Variants in NDUFA11 observed in about 807,000 individuals in gnomAD.
NDUFA11 encodes NADH dehydrogenase [ubiquinone] 1 alpha subcomplex subunit 11.
A neutral mutation model predicts 11.3 loss-of-function variants in NDUFA11; 14 were observed. The observed-to-expected ratio is 1.24, with a 90% confidence interval of 0.82 to 1.94. The LOEUF (loss-of-function observed/expected upper bound fraction) is 1.94, where lower values mean the gene tolerates loss of function less well. Ranked by LOEUF, NDUFA11 falls within the 30% of genes most tolerant of loss-of-function variation. The pLI is 0.00. For synonymous variants in NDUFA11, 87 were observed against 85.6 expected, an observed-to-expected ratio of 1.02 and a Z score of -0.09; for missense variants, 204 against 200.3, an observed-to-expected ratio of 1.02 and a Z score of -0.11.
At chr19:5,902,924 T>A (rs1020997305) in intron 1 of NDUFA11, among the ~76,000 whole-genome samples, 5 of 151,028 alleles carry the variant, frequency 3.3e-5, no homozygotes, top group African/African-American at 1.2e-4. Context: ...GGCAAGGGAA[T>A]TGCTCGAACC....
chr19:5,892,733 G>A (rs564256398), downstream of NDUFA11: 61 of 793,348 alleles, frequency 7.7e-5, no homozygotes, highest in African/African-American at 9.2e-4. Flanking sequence ...CCTGCCGGCC[G>A]CAGTAGAGAC....
At chr19:5,898,828 T>C (rs2144955175) in intron 1 of NDUFA11, among the ~76,000 whole-genome samples, 1 of 149,320 alleles carries the variant, frequency 6.7e-6, no homozygotes, top group Non-Finnish European at 1.5e-5. Flanking sequence ...GAGCCAAGAT[T>C]GCGCCACTGC....
chr19:5,899,005 A>T (rs1361841645), intron 1 of NDUFA11, among the ~76,000 whole-genome samples: 2 of 151,360 alleles, frequency 1.3e-5, no homozygotes, highest in Non-Finnish European at 2.9e-5. Context: ...CCGTCCCCCC[A>T]GGACTCCCCA....
rs2057607943 is a variant in NDUFA11 at position 5,896,332 on chromosome 19, G to A, written c.313+121C>T. On this transcript the variant is annotated intron_variant, in intron 3 of 3. Coordinates refer to ENST00000308961, the MANE Select transcript of NDUFA11 (RefSeq NM_175614.5). This position sits in a 1 kb window ranked among gnomAD's most constrained non-coding sequence, Gnocchi z 5.8. ...TGTCGCTATGACTGAAATGGCTGGT[G>A]TTCAAGAAGGCTGCTTTACTTCTTG... is the stretch of plus-strand genomic sequence containing the variant. 1.7e-6 allele frequency: 2 copies of A among 1,194,390 alleles called. No individual in the cohort carries two copies. Among genetic ancestry groups the A allele is most frequent in the South Asian group, 1.5e-5 (1 of 67,966 alleles). The allele number at this position is 1,194,390 out of a possible 1,614,324, so 74.0% of individuals were successfully genotyped here.
chr19:5,899,213 T>G (rs1022729677), intron 1 of NDUFA11, among the ~76,000 whole-genome samples: 6 of 147,902 alleles, frequency 4.1e-5, no homozygotes, highest in South Asian at 2.2e-4. Context: ...GCAGTGGCGC[T>G]ATCTCGGCTC....
At chr19:5,895,987 T>C in intron 3 of NDUFA11, 1 of 242,442 alleles carries the variant, frequency 4.1e-6, no homozygotes. Context: ...CATCCTCCTC[T>C]CTGACTCACA....
At chr19:5,894,115 C>G (rs117646564), downstream of NDUFA11, among the ~76,000 whole-genome samples, 838 of 152,344 alleles carry the variant, frequency 5.5e-3, 4 homozygotes, top group Non-Finnish European at 9.6e-3. Flanking sequence ...TTTCCCTTGT[C>G]GCTGCCACCA....
rs576231769 is a variant in NDUFA11 at position 5,903,700 on chromosome 19, C to T, written c.9G>A (p.Pro3=). The change falls in exon 1 of 4, where the codon CCG becomes CCA. Residue 3 remains proline (P), a synonymous_variant. Transcript: ENST00000308961. ...TATCCCAGTACTGACGAAAAACCTT[C>T]GGCGCCATAGCCCGCAATCTCGATC... is the stretch of plus-strand genomic sequence containing the variant. MA[P]KVFRQYWDIP... The T allele has an allele frequency of 1.3e-6, 2 of 1,551,516 alleles. No homozygotes were observed. Among genetic ancestry groups the T allele is most frequent in the South Asian group, 1.2e-5 (1 of 84,070 alleles).
At position 5,894,731 on chromosome 19, in the gene NDUFA11, AGGCACAG is replaced by A. The variant is rs2057596756; in HGVS notation, c.*4_*10del. 1 of 1,611,788 alleles carries A rather than the reference AGGCACAG, an allele frequency of 6.2e-7. No individual in the cohort carries two copies. Among genetic ancestry groups the A allele is most frequent in the Non-Finnish European group, 8.5e-7 (1 of 1,179,086 alleles). On this transcript the variant is annotated 3_prime_UTR_variant, in exon 4 of 4. Coordinates refer to ENST00000308961, the MANE Select transcript of NDUFA11 (RefSeq NM_175614.5). ...CATTCTGCAGGCTGGAGGTCCCGGC[AGGCACAG>A]GGCTCACACCTTGGGTTTTGCAAAC...
downstream of NDUFA11, chr19:5,892,944 G>A (rs1388157529): frequency 2.0e-5 from 29 of 1,463,028 alleles, no homozygotes; most frequent in East Asian, 3.2e-4. Context: ...AACCCAGAGT[G>A]TTTAACAATG....
chr19:5,896,112 G>T lies in NDUFA11; in HGVS notation c.313+341C>A. 1.8e-6 allele frequency: 1 copy of T among 543,132 alleles called. No individual in the cohort carries two copies. The highest frequency in any genetic ancestry group is 1.9e-5 in the African/African-American group (1 of 53,348). 33.6% of individuals were successfully genotyped at this position (543,132 alleles called of 1,614,324 possible). ...GGGATGCTGGCTTGTACACAGGGTGGTCAGGACAGTGAGGGGAACAGCATT... is the reference window on the plus strand; with the variant it reads ...GGGATGCTGGCTTGTACACAGGGTGTTCAGGACAGTGAGGGGAACAGCATT... On this transcript the variant is annotated intron_variant, in intron 3 of 3. Coordinates refer to ENST00000308961, the MANE Select transcript of NDUFA11 (RefSeq NM_175614.5). This position sits in a 1 kb window ranked among gnomAD's most constrained non-coding sequence, Gnocchi z 5.8.
intron 3 of NDUFA11, chr19:5,895,067 C>A (rs2057599264): frequency 5.1e-6 from 3 of 593,984 alleles, no homozygotes; most frequent in Admixed American, 3.1e-5. Context: ...TGCTTCCCAG[C>A]AGGAACCCAG....
At chr19:5,893,722 G>C (rs986632017), downstream of NDUFA11, among the ~76,000 whole-genome samples, 2 of 152,188 alleles carry the variant, frequency 1.3e-5, no homozygotes, top group African/African-American at 4.8e-5. This position sits in a 1 kb window ranked among gnomAD's most constrained non-coding sequence, Gnocchi z 4.1. Flanking sequence ...TACTACTCGG[G>C]GGTGGACAGA....
intron 1 of NDUFA11, among the ~76,000 whole-genome samples, chr19:5,901,826 C>T (rs528573969): frequency 2.6e-5 from 4 of 151,312 alleles, no homozygotes; most frequent in Admixed American, 6.6e-5. Flanking sequence ...TCCACCACCA[C>T]GCCCGGCTAA....
Position 5,899,005 on chromosome 19 carries a change from AG to A in NDUFA11, c.98-2009del, listed in dbSNP as rs770207452. 4.5e-3 allele frequency among the ~76,000 whole-genome samples: 680 copies of A among 151,448 alleles called. 3 individuals are homozygous for A. The highest frequency in any genetic ancestry group is 8.6e-3 in the Non-Finnish European group (581 of 67,870). ...TGGAGTCCAGTACAGCCGTCCCCCCAGGACTCCCCACCTGCTCCTGGCCCAG... is the reference window on the plus strand; with the variant it reads ...TGGAGTCCAGTACAGCCGTCCCCCCAGACTCCCCACCTGCTCCTGGCCCAG... On this transcript the variant is annotated intron_variant, in intron 1 of 3. Transcript: ENST00000308961.
downstream of NDUFA11, among the ~76,000 whole-genome samples, chr19:5,893,998 T>A (rs1479556855): frequency 2.0e-5 from 3 of 152,206 alleles, no homozygotes; most frequent in Non-Finnish European, 4.4e-5. This position sits in a 1 kb window ranked among gnomAD's most constrained non-coding sequence, Gnocchi z 4.1. Flanking sequence ...CCTCTCCAGC[T>A]GCCAGGGAGC....
At chr19:5,893,865 C>T (rs2144945742), downstream of NDUFA11, among the ~76,000 whole-genome samples, 1 of 152,350 alleles carries the variant, frequency 6.6e-6, no homozygotes, top group Non-Finnish European at 1.5e-5. The surrounding 1 kb of genome is among the most constrained non-coding windows in gnomAD (Gnocchi z 4.1). Context: ...TCCTGCTGTC[C>T]CCGGCCCACC....
downstream of NDUFA11, chr19:5,891,916 C>T (rs148752777): frequency 1.8e-3 from 272 of 152,332 alleles, 5 homozygotes; most frequent in East Asian, 0.021. Flanking sequence ...AGGAAGGGTC[C>T]CCCACAGCCC....
rs1200432235 is a variant in NDUFA11 at position 5,903,544 on chromosome 19, G to GC, written c.97+67dup. On this transcript the variant is annotated intron_variant, in intron 1 of 3. Coordinates refer to ENST00000308961, the MANE Select transcript of NDUFA11 (RefSeq NM_175614.5). The stretch of plus-strand genomic sequence containing the variant: ...CTCCCAGACCCGTTCGATCCAAACA[G>GC]CCCCCAGTAACCCCACGACCTCCCT... The GC allele has an allele frequency of 4.0e-5, 57 of 1,433,372 alleles. No individual in the cohort carries two copies. In the East Asian group the frequency reaches 1.4e-3, roughly 35 times the overall value. 88.8% of individuals were successfully genotyped at this position (1,433,372 alleles called of 1,614,324 possible). A position where few individuals can be genotyped will look rare whatever the true frequency, so the allele number is the denominator to read the frequency against.
Sources: allele counts gnomAD v4.1 joint callset (sites outside exome capture counted in the v4.1 genomes callset), GRCh38; gene constraint gnomAD v4.1.1; non-coding constraint Gnocchi (gnomAD v3.1); transcripts MANE v1.5; gene names NCBI Gene and HGNC (gene_info 2026-07-23, HGNC 2026-07-21).